Variants in DLG1 observed in about 807,000 individuals in gnomAD.
DLG1 encodes the protein disks large homolog 1.
Under a neutral mutation model 123.4 loss-of-function variants are expected in DLG1, and 42 were observed. The ratio of observed to expected loss-of-function variants is 0.34; its 90% CI spans 0.27 to 0.44. The LOEUF (loss-of-function observed/expected upper bound fraction) is 0.44, where lower values mean the gene tolerates loss of function less well. Ranked by LOEUF, DLG1 falls within the 20% of genes least tolerant of loss-of-function variation. The probability of loss-of-function intolerance (pLI) is 1.00; values close to 1 mark genes in which losing one functional copy is unlikely to be tolerated. For synonymous variants in DLG1, 317 were observed against 356.2 expected (o/e 0.89, Z 1.24); for missense variants, 942 against 1,082.6 (o/e 0.87, Z 1.82).
At chr3:197,151,855 C>CA (rs1794025383) in intron 5 of DLG1, among the ~76,000 whole-genome samples, 1 of 152,032 alleles carries the variant, frequency 6.6e-6, no homozygotes, top group Non-Finnish European at 1.5e-5. Context: ...CCAGTCTGGC[C>CA]AACATGGGTG....
chr3:197,050,762 T>G (rs1346228741), intron 24 of DLG1, among the ~76,000 whole-genome samples: 1 of 152,138 alleles, frequency 6.6e-6, no homozygotes, highest in East Asian at 1.9e-4. Flanking sequence ...TAGTGACTAT[T>G]GTTAATAAAG....
At chr3:197,203,994 C>A (rs192674411) in intron 4 of DLG1, among the ~76,000 whole-genome samples, 1 of 152,232 alleles carries the variant, frequency 6.6e-6, no homozygotes, top group African/African-American at 2.4e-5. Flanking sequence ...CAGAAGGCCC[C>A]GGTGTAGGTG....
Position 197,085,905 on chromosome 3 carries a change from T to C in DLG1, c.1662-149A>G, listed in dbSNP as rs138598485. 101 of 603,190 alleles carry C rather than the reference T, an allele frequency of 1.7e-4. No individual in the cohort carries two copies. In the East Asian group the frequency reaches 2.9e-3, roughly 17 times the overall value. 37.4% of individuals were successfully genotyped at this position (603,190 alleles called of 1,614,324 possible). On this transcript the variant is annotated intron_variant, in intron 15 of 24. Coordinates refer to ENST00000667157, the MANE Select transcript of DLG1 (RefSeq NM_001366207.1). ...GTTCAATTCTGCACTGCATACAAGA[T>C]AAGACAAAAAAGAAATAGCAAAATC...
intron 6 of DLG1, among the ~76,000 whole-genome samples, chr3:197,143,710 G>A (rs6583198): frequency 0.76 from 114,903 of 152,072 alleles, 43,534 homozygotes; most frequent in East Asian, 0.82. Context: ...CCTCTTCATA[G>A]GCCTTACATA....
chr3:197,081,718 G>A (rs906776449), intron 16 of DLG1, among the ~76,000 whole-genome samples: 1 of 152,090 alleles, frequency 6.6e-6, no homozygotes, highest in Admixed American at 6.6e-5. Flanking sequence ...AGTATTTTTG[G>A]AAGGATACAT....
At chr3:197,132,122 C>A (rs1243866643) in intron 10 of DLG1, among the ~76,000 whole-genome samples, 3 of 151,846 alleles carry the variant, frequency 2.0e-5, no homozygotes, top group Non-Finnish European at 4.4e-5. Context: ...TTTTTCTTGG[C>A]TGGTCTGAAG....
chr3:197,289,367 C>CAA (rs1164192088), intron 3 of DLG1, among the ~76,000 whole-genome samples: 1 of 151,832 alleles, frequency 6.6e-6, no homozygotes, highest in African/African-American at 2.4e-5. Context: ...CACACACACA[C>CAA]AAATAACATT....
At chr3:197,050,202 C>T (rs1225955228) in intron 24 of DLG1, among the ~76,000 whole-genome samples, 1 of 152,008 alleles carries the variant, frequency 6.6e-6, no homozygotes, top group Non-Finnish European at 1.5e-5. Context: ...CCCATCTCTA[C>T]TAAAAATACA....
intron 4 of DLG1, among the ~76,000 whole-genome samples, chr3:197,211,456 C>T (rs542820936): frequency 6.8e-6 from 1 of 146,714 alleles, no homozygotes; most frequent in African/African-American, 2.4e-5. Flanking sequence ...ATCAAGTAGG[C>T]TTCATCCCGG....
intron 4 of DLG1, among the ~76,000 whole-genome samples, chr3:197,239,983 G>C (rs1578532419): frequency 6.6e-6 from 1 of 152,076 alleles, no homozygotes; most frequent in African/African-American, 2.4e-5. Context: ...GAAAAAGTGA[G>C]ACTGAGATAT....
intron 5 of DLG1, among the ~76,000 whole-genome samples, chr3:197,182,024 T>C (rs1712435781): frequency 6.6e-6 from 1 of 152,180 alleles, no homozygotes; most frequent in Non-Finnish European, 1.5e-5. Flanking sequence ...ATGAACTACT[T>C]TTCCTGTCTT....
chr3:197,115,905 G>C (rs1324726880), intron 13 of DLG1, 22 bp downstream of exon 13: 2 of 1,602,282 alleles, frequency 1.2e-6, no homozygotes, highest in East Asian at 4.5e-5. Context: ...ACAAAAACGT[G>C]ATCTTGACTA....
chr3:197,174,781 C>T (rs189830390), intron 5 of DLG1, among the ~76,000 whole-genome samples: 4 of 152,222 alleles, frequency 2.6e-5, no homozygotes, highest in Admixed American at 6.5e-5. Context: ...TGCTCTTGAA[C>T]GTGGCTGTTA....
intron 4 of DLG1, among the ~76,000 whole-genome samples, chr3:197,216,964 T>A (rs1452380035): frequency 6.6e-6 from 1 of 152,340 alleles, no homozygotes; most frequent in East Asian, 1.9e-4. Flanking sequence ...CGAATTTAAT[T>A]GTAGAAGTAA....
At position 197,297,228 on chromosome 3, in the gene DLG1, G is replaced by GT; in HGVS notation, c.-25_-24insA. The GT allele has an allele frequency of 6.2e-7, 1 of 1,614,000 alleles. No individual in the cohort carries two copies. Among genetic ancestry groups the GT allele is most frequent in the Non-Finnish European group, 8.5e-7 (1 of 1,180,006 alleles). On this transcript the variant is annotated 5_prime_UTR_variant, in exon 2 of 25. Coordinates refer to ENST00000667157, the MANE Select transcript of DLG1 (RefSeq NM_001366207.1). ...ATTTTTCTCCAGAATCAGGAAGAGG[G>GT]CACACACCTTTAAAACACACAACGG...
At position 197,124,735 on chromosome 3, in the gene DLG1, C is replaced by T. The variant is rs570994521; in HGVS notation, c.1166-5205G>A. 2.2e-4 allele frequency among the ~76,000 whole-genome samples: 34 copies of T among 152,106 alleles called. No individual in the cohort carries two copies. In the South Asian group the frequency reaches 4.6e-3, roughly 20 times the overall value. On this transcript the variant is annotated intron_variant, in intron 11 of 24. Transcript: ENST00000667157. ...GGGACCACAGGCACGCACCATTGTG[C>T]CTGGCTTTTTTCCTTTTTGATGTGA...
Position 197,165,562 on chromosome 3 carries a change from C to T in DLG1, c.484-15766G>A, listed in dbSNP as rs141995570. 5.3e-5 allele frequency among the ~76,000 whole-genome samples: 8 copies of T among 152,176 alleles called. No individual in the cohort carries two copies. The South Asian group carries it at 1.0e-3, about 20-fold the overall frequency. Reference sequence around the variant, plus strand: ...AAAAGTATACTACGAATAAAGCCTCCGTGGGTTTAGCTCGGGACTCCAATC... The same window carrying T: ...AAAAGTATACTACGAATAAAGCCTCTGTGGGTTTAGCTCGGGACTCCAATC... On this transcript the variant is annotated intron_variant, in intron 5 of 24. Coordinates refer to ENST00000667157, the MANE Select transcript of DLG1 (RefSeq NM_001366207.1).
Position 197,044,578 on chromosome 3 carries a change from A to C in DLG1, c.*45T>G. 3 of 1,409,826 alleles carry C rather than the reference A, an allele frequency of 2.1e-6. No homozygotes were observed. Among genetic ancestry groups the C allele is most frequent in the Non-Finnish European group, 3.0e-6 (3 of 1,001,818 alleles). The allele number at this position is 1,409,826 out of a possible 1,614,324, so 87.3% of individuals were successfully genotyped here. A position where few individuals can be genotyped will look rare whatever the true frequency, so the allele number is the denominator to read the frequency against. ...CAGAGGAAAGGGCAAAGAGATGCCA[A>C]AGAAAATGGAATTGTGGAAAAGAGA... On this transcript the variant is annotated 3_prime_UTR_variant, in exon 25 of 25. Transcript: ENST00000667157.
In DLG1 at chr3:197,055,990, A is replaced by G. The variant is rs375098498; in HGVS notation, c.2483+3899T>C. Among the ~76,000 whole-genome samples, 62 of 152,304 alleles carry G rather than the reference A, an allele frequency of 4.1e-4. No individual in the cohort carries two copies. The South Asian group carries it at 0.011, about 26-fold the overall frequency. ...CACTGGCTCCCACAAACCCTATGCA[A>G]AGCTGCTTGAAAATGTGTACATGGC... On this transcript the variant is annotated intron_variant, in intron 23 of 24. Transcript: ENST00000667157.
Sources: allele counts gnomAD v4.1 joint callset (sites outside exome capture counted in the v4.1 genomes callset), GRCh38; gene constraint gnomAD v4.1.1; transcripts MANE v1.5; gene names NCBI Gene and HGNC (gene_info 2026-07-23, HGNC 2026-07-21).